CACNB4: variants seen among roughly 807,000 people sequenced by gnomAD.
The protein encoded by CACNB4 is voltage-dependent L-type calcium channel subunit beta-4.
Under a neutral mutation model 71.2 loss-of-function variants are expected in CACNB4, and 32 were observed. The observed-to-expected ratio is 0.45, with a 90% confidence interval of 0.34 to 0.60. The LOEUF (loss-of-function observed/expected upper bound fraction) is 0.60. Ranked by LOEUF, CACNB4 falls within the 20% of genes least tolerant of loss-of-function variation. The probability of loss-of-function intolerance (pLI) is 0.01; values close to 1 mark genes in which losing one functional copy is unlikely to be tolerated. For missense variants in CACNB4, 464 were observed against 647.9 expected (o/e 0.72, Z 3.08); for synonymous variants, 231 against 236.9 (o/e 0.97, Z 0.23).
intron 2 of CACNB4, among the ~76,000 whole-genome samples, chr2:152,045,995 G>A (rs573333125): frequency 6.6e-6 from 1 of 152,220 alleles, no homozygotes; most frequent in Non-Finnish European, 1.5e-5. Flanking sequence ...GAGTAACTGA[G>A]AATCAATGGA....
chr2:151,940,763 G>T (rs2099864024), intron 2 of CACNB4, among the ~76,000 whole-genome samples: 2 of 152,148 alleles, frequency 1.3e-5, no homozygotes, highest in Admixed American at 1.3e-4. Flanking sequence ...ACATACCTTT[G>T]CCAAATGGTG....
At chr2:152,040,329 GATA>G (rs1451664800) in intron 2 of CACNB4, among the ~76,000 whole-genome samples, 1 of 152,142 alleles carries the variant, frequency 6.6e-6, no homozygotes, top group Non-Finnish European at 1.5e-5. Flanking sequence ...ATCTGGCTCA[GATA>G]ATAATTGAAC....
intron 2 of CACNB4, among the ~76,000 whole-genome samples, chr2:152,048,951 C>T (rs927352069): frequency 6.6e-6 from 1 of 152,138 alleles, no homozygotes; most frequent in Non-Finnish European, 1.5e-5. Context: ...GTATGGTGTG[C>T]ACAAGAGAGG....
At chr2:151,872,698 T>C in intron 5 of CACNB4, 1 of 439,218 alleles carries the variant, frequency 2.3e-6, no homozygotes. Context: ...AGACCTGGAA[T>C]ACTCTGCAAA....
intron 2 of CACNB4, among the ~76,000 whole-genome samples, chr2:152,026,923 T>TG (rs1457193571): frequency 6.6e-6 from 1 of 151,650 alleles, no homozygotes; most frequent in Non-Finnish European, 1.5e-5. Flanking sequence ...TTTTTTTTTT[T>TG]TGATACGGAG....
intron 2 of CACNB4, among the ~76,000 whole-genome samples, chr2:151,979,302 T>C (rs748819595): frequency 6.6e-6 from 1 of 152,168 alleles, no homozygotes; most frequent in Non-Finnish European, 1.5e-5. Flanking sequence ...CCTGCCATTC[T>C]TGATGGCTTC....
chr2:152,029,291 G>A (rs889821675), intron 2 of CACNB4, among the ~76,000 whole-genome samples: 1 of 151,844 alleles, frequency 6.6e-6, no homozygotes, highest in Admixed American at 6.6e-5. Context: ...TCAGGAGTTC[G>A]AGACCAGCCT....
intron 2 of CACNB4, among the ~76,000 whole-genome samples, chr2:152,054,094 G>A (rs1281480399): frequency 2.0e-5 from 3 of 152,084 alleles, no homozygotes; most frequent in East Asian, 1.9e-4. Flanking sequence ...TTGGCCGGGC[G>A]CGGTGGCTCA....
At chr2:152,018,774 AC>A (rs1683488307) in intron 2 of CACNB4, among the ~76,000 whole-genome samples, 1 of 150,138 alleles carries the variant, frequency 6.7e-6, no homozygotes, top group South Asian at 2.1e-4. Context: ...ACTGCACTCC[AC>A]CCTGGGCAAC....
At chr2:151,842,232 G>C in intron 12 of CACNB4, 144 bp from the exon 13 acceptor site, 1 of 505,946 alleles carries the variant, frequency 2.0e-6, no homozygotes, top group Non-Finnish European at 3.6e-6. Context: ...AGTTTCTAAA[G>C]TTAGGGTCAA....
At chr2:151,851,865 A>C (rs1172818750) in intron 12 of CACNB4, 1 of 152,248 alleles carries the variant, frequency 6.6e-6, no homozygotes, top group African/African-American at 2.4e-5. Flanking sequence ...CTAGACAACA[A>C]AGATTATCTT....
intron 2 of CACNB4, among the ~76,000 whole-genome samples, chr2:152,096,501 A>G (rs1688277220): frequency 6.6e-6 from 1 of 152,198 alleles, no homozygotes; most frequent in African/African-American, 2.4e-5. Flanking sequence ...AAAAAAATTA[A>G]GTACTATTTT....
At chr2:151,956,177 A>C (rs1407428579) in intron 2 of CACNB4, among the ~76,000 whole-genome samples, 1 of 152,212 alleles carries the variant, frequency 6.6e-6, no homozygotes, top group Non-Finnish European at 1.5e-5. Context: ...CAAATTATTA[A>C]AGATGACGCA....
intron 2 of CACNB4, among the ~76,000 whole-genome samples, chr2:151,945,322 C>G (rs960073462): frequency 6.6e-6 from 1 of 152,212 alleles, no homozygotes; most frequent in Non-Finnish European, 1.5e-5. Context: ...AGAAATCCTC[C>G]TCTCCTGCCT....
intron 2 of CACNB4, among the ~76,000 whole-genome samples, chr2:151,930,738 T>A (rs2099861438): frequency 6.6e-6 from 1 of 152,130 alleles, no homozygotes; most frequent in Non-Finnish European, 1.5e-5. Context: ...GAACACTCTA[T>A]ACTCCTTTAT....
rs35662354 is a variant in CACNB4, at chr2:151,842,320, CTTTTTTTTTTTT to C, written c.1117-244_1117-233del. On this transcript the variant is annotated intron_variant, in intron 12 of 13. Transcript: ENST00000539935. The stretch of plus-strand genomic sequence containing the variant: ...GAAAGTGTTCATTCAATATTTGGAT[CTTTTTTTTTTTT>C]TTTTTTTTTTTTTTTTAAGACGGAG... 5.9e-4 allele frequency among the ~76,000 whole-genome samples: 40 copies of C among 67,730 alleles called. No individual in the cohort carries two copies. The East Asian group carries it at 0.014, about 24-fold the overall frequency. The allele number at this position is 67,730 out of a possible 152,430, so 44.4% of individuals were successfully genotyped here. A position where few individuals can be genotyped will look rare whatever the true frequency, so the allele number is the denominator to read the frequency against.
chr2:151,947,149 C>T (rs1343113171), intron 2 of CACNB4, among the ~76,000 whole-genome samples: 1 of 152,238 alleles, frequency 6.6e-6, no homozygotes, highest in East Asian at 1.9e-4. Flanking sequence ...GAGCCCTCCA[C>T]AGCCTGCAGA....
At chr2:151,987,022 G>A (rs1232259870) in intron 2 of CACNB4, among the ~76,000 whole-genome samples, 3 of 152,202 alleles carry the variant, frequency 2.0e-5, no homozygotes, top group South Asian at 2.1e-4. Context: ...CAACCAGTGC[G>A]CTGTTGGGTC....
intron 2 of CACNB4, among the ~76,000 whole-genome samples, chr2:151,906,662 T>G (rs2099854893): frequency 6.6e-6 from 1 of 152,234 alleles, no homozygotes; most frequent in Admixed American, 6.5e-5. Flanking sequence ...AGGGTGAAAC[T>G]ACAGTCTTGT....
Sources: allele counts gnomAD v4.1 joint callset (sites outside exome capture counted in the v4.1 genomes callset), GRCh38; gene constraint gnomAD v4.1.1; transcripts MANE v1.5; gene names NCBI Gene and HGNC (gene_info 2026-07-23, HGNC 2026-07-21).